The following NEURL1B variants were observed in gnomAD, a reference collection of about 807,000 sequenced individuals.
NEURL1B encodes the protein neuralized E3 ubiquitin protein ligase 1B, also known as E3 ubiquitin-protein ligase NEURL1B.
Under a neutral mutation model 37.4 loss-of-function variants are expected in NEURL1B, and 13 were observed. The observed-to-expected ratio is 0.35, with a 90% CI of 0.23 to 0.55. The LOEUF is 0.55. Ranked by LOEUF, NEURL1B falls within the 20% of genes least tolerant of loss-of-function variation. The pLI is 0.89. For synonymous variants in NEURL1B, 432 were observed against 426.6 expected (o/e 1.01, Z -0.16); for missense variants, 790 against 879.2 (o/e 0.90, Z 1.28).
chr5:172,684,076 C>A lies in NEURL1B; in HGVS notation c.1235C>A (p.Thr412Lys). The change falls in exon 3 of 5, where the codon ACG (threonine) becomes AAG (lysine). Residue 412 changes from threonine to lysine, a missense_variant. Physicochemically the swap from Thr to Lys is moderately conservative, Grantham distance 78. Coordinates refer to ENST00000369800, the MANE Select transcript of NEURL1B (RefSeq NM_001142651.3). ...GGCCGCCTGCTGTGCGTCGACACCA[C>A]GCAGGCGCTCTGGGCCTTCTTCGCC... ...PRGRLLCVDT[T>K]QALWAFFAVR... The A allele has an allele frequency of 7.6e-7, 1 of 1,315,466 alleles. No homozygotes were observed. Among genetic ancestry groups the A allele is most frequent in the South Asian group, 1.9e-5 (1 of 51,944 alleles). 81.5% of individuals were successfully genotyped at this position (1,315,466 alleles called of 1,614,324 possible).
intron 2 of NEURL1B, among the ~76,000 whole-genome samples, chr5:172,671,680 T>C (rs1023815739): frequency 3.9e-5 from 6 of 152,270 alleles, no homozygotes; most frequent in African/African-American, 1.4e-4. Context: ...GCCCATGAAC[T>C]GGATTACCAG....
rs180954825 is a variant in NEURL1B, at chr5:172,659,169, G to C, written c.32-10616G>C. 6.3e-3 allele frequency among the ~76,000 whole-genome samples: 954 copies of C among 152,204 alleles called. 6 individuals carry two copies. Among genetic ancestry groups the C allele is most frequent in the African/African-American group, 0.021 (878 of 41,542 alleles). ...GGTCAGGATGTAAGTGAGAGACCTT[G>C]GGACCAGCAAACATTTTGCCCAGCT... On this transcript the variant is annotated intron_variant, in intron 1 of 4. Coordinates refer to ENST00000369800, the MANE Select transcript of NEURL1B (RefSeq NM_001142651.3).
intron 1 of NEURL1B, chr5:172,656,623 G>A: frequency 1.2e-6 from 2 of 1,608,648 alleles, no homozygotes; most frequent in Admixed American, 1.7e-5. Flanking sequence ...TTTTGTTTCT[G>A]CTTGAAAGCC....
At chr5:172,674,665 T>C (rs537536582) in intron 2 of NEURL1B, among the ~76,000 whole-genome samples, 33 of 152,244 alleles carry the variant, frequency 2.2e-4, no homozygotes, top group African/African-American at 7.9e-4. Flanking sequence ...TGCTAACGAT[T>C]CCCTTTGCAT....
In NEURL1B at chr5:172,656,645, G is replaced by A. The variant is rs776636384; in HGVS notation, c.32-13140G>A. On this transcript the variant is annotated intron_variant, in intron 1 of 4. Transcript: ENST00000369800. Reference sequence around the variant, plus strand: ...TCTGCTTGAAAGCCTTATCTTCCTCGTCCATCTCCTTGGCCTACTTCTTGG... The same window carrying A: ...TCTGCTTGAAAGCCTTATCTTCCTCATCCATCTCCTTGGCCTACTTCTTGG... The A allele has an allele frequency of 9.7e-5, 155 of 1,598,914 alleles. 1 individual carries two copies. Among genetic ancestry groups the A allele is most frequent in the South Asian group, 1.1e-4 (10 of 89,390 alleles).
At chr5:172,684,218 G>GCCCCGC (rs1758435588) in intron 3 of NEURL1B, 80 bp downstream of exon 3, 1 of 1,106,658 alleles carries the variant, frequency 9.0e-7, no homozygotes, top group Admixed American at 4.6e-5. Context: ...CTCTTCCCCG[G>GCCCCGC]CCCCGCCCCT....
Position 172,686,959 on chromosome 5 carries a change from G to T in NEURL1B, c.*34G>T. On this transcript the variant is annotated 3_prime_UTR_variant, in exon 5 of 5. Transcript: ENST00000369800. The surrounding 1 kb of genome is among the most constrained non-coding windows in gnomAD (Gnocchi z 7.9). Reference sequence around the variant, plus strand: ...GCCCACGGGCCTTGGCCGGTGCAAGGTCACCTTTCTGAAGGCCCCCTGGGC... The same window carrying T: ...GCCCACGGGCCTTGGCCGGTGCAAGTTCACCTTTCTGAAGGCCCCCTGGGC... 6.5e-7 allele frequency: 1 copy of T among 1,527,040 alleles called. No individual in the cohort carries two copies. 94.6% of individuals were successfully genotyped at this position (1,527,040 alleles called of 1,614,324 possible). A position where few individuals can be genotyped will look rare whatever the true frequency, so the allele number is the denominator to read the frequency against.
rs1468333367 is a variant in NEURL1B at position 172,683,569 on chromosome 5, T to C, written c.728T>C (p.Leu243Pro). ...GTGGCCAAGCTGGGCCACCTGGCGCTGGGCCGCGCCCCGGGCCCACCGCCA... is the reference window on the plus strand; with the variant it reads ...GTGGCCAAGCTGGGCCACCTGGCGCCGGGCCGCGCCCCGGGCCCACCGCCA... ...QVVAKLGHLA[L>P]GRAPGPPPAD... Residue 243 changes from leucine to proline, a missense_variant, in exon 3 of 5, where the codon CTG becomes CCG. Leu to Pro is a moderately conservative substitution (Grantham distance 98, BLOSUM62 -3). Around this residue, in one of 3 missense-constraint regions of NEURL1B, gnomAD observed 460 missense variants for 407.4 expected, o/e 1.13. Coordinates refer to ENST00000369800, the MANE Select transcript of NEURL1B (RefSeq NM_001142651.3). This position sits in a 1 kb window ranked among gnomAD's most constrained non-coding sequence, Gnocchi z 5.6. 1 of 1,432,780 alleles carries C rather than the reference T, an allele frequency of 7.0e-7. No individual in the cohort carries two copies. 88.8% of individuals were successfully genotyped at this position (1,432,780 alleles called of 1,614,324 possible). A position where few individuals can be genotyped will look rare whatever the true frequency, so the allele number is the denominator to read the frequency against.
chr5:172,684,989 T>C (rs58974080), intron 3 of NEURL1B, among the ~76,000 whole-genome samples: 3,186 of 152,270 alleles, frequency 0.021, 134 homozygotes, highest in African/African-American at 0.073. Context: ...TATCCTCCCT[T>C]TGACTCTATT....
At chr5:172,651,497 C>T (rs1403169154) in intron 1 of NEURL1B, among the ~76,000 whole-genome samples, 1 of 152,194 alleles carries the variant, frequency 6.6e-6, no homozygotes, top group Non-Finnish European at 1.5e-5. Flanking sequence ...GCAGTCAGAC[C>T]TTGCAATGCC....
rs756536249 is a variant in NEURL1B, at chr5:172,683,558, C to T, written c.717C>T (p.Gly239=). The T allele has an allele frequency of 1.6e-5, 23 of 1,473,164 alleles. No individual in the cohort carries two copies. The highest frequency in any genetic ancestry group is 1.8e-4 in the Middle Eastern group (1 of 5,608). The allele number at this position is 1,473,164 out of a possible 1,614,324, so 91.3% of individuals were successfully genotyped here. ...ACAACCAGGTGGTGGCCAAGCTGGGCCACCTGGCGCTGGGCCGCGCCCCGG... is the reference window on the plus strand; with the variant it reads ...ACAACCAGGTGGTGGCCAAGCTGGGTCACCTGGCGCTGGGCCGCGCCCCGG... ...LENNQVVAKL[G]HLALGRAPGP... Residue 239 remains glycine, a synonymous_variant, in exon 3 of 5, where the codon GGC becomes GGT. Transcript: ENST00000369800. This position sits in a 1 kb window ranked among gnomAD's most constrained non-coding sequence, Gnocchi z 5.6.
chr5:172,641,909 GCGGCACATGC>G lies in NEURL1B; in HGVS notation c.31+473_31+482del, dbSNP rs1444719378. 6.6e-6 allele frequency among the ~76,000 whole-genome samples: 1 copy of G among 152,198 alleles called. No homozygotes were observed. Among genetic ancestry groups the G allele is most frequent in the African/African-American group, 2.4e-5 (1 of 41,462 alleles). The stretch of plus-strand genomic sequence containing the variant: ...CAGTTTCCAGCCTCCCAGCGCCCCC[GCGGCACATGC>G]TGCCGTGCTTTGGCCACGTTCCCAC... On this transcript the variant is annotated intron_variant, in intron 1 of 4. Transcript: ENST00000369800. The surrounding 1 kb of genome is among the most constrained non-coding windows in gnomAD (Gnocchi z 6.4).
chr5:172,658,363 T>C (rs955492939), intron 1 of NEURL1B, among the ~76,000 whole-genome samples: 2 of 152,208 alleles, frequency 1.3e-5, no homozygotes, highest in Non-Finnish European at 2.9e-5. Flanking sequence ...GCGGGCTTCC[T>C]GCAGGCATCC....
chr5:172,658,266 C>T (rs1757831843), intron 1 of NEURL1B, among the ~76,000 whole-genome samples: 1 of 152,216 alleles, frequency 6.6e-6, no homozygotes, highest in African/African-American at 2.4e-5. Flanking sequence ...ACCCGCTAAG[C>T]TCCGTAGGGC....
intron 1 of NEURL1B, among the ~76,000 whole-genome samples, chr5:172,663,520 C>CAAAAA (rs34033673): frequency 1.8e-5 from 2 of 111,104 alleles, no homozygotes; most frequent in African/African-American, 6.9e-5. Flanking sequence ...GACTCCATCT[C>CAAAAA]AAAAAAAAAA....
In NEURL1B at chr5:172,641,574, C is replaced by T. The variant is rs1581415019; in HGVS notation, c.31+137C>T. ...GCGGGCTGGAGTCTCCGGTACCTCC[C>T]GGACCTCAGCTCGGCGCGCGCCCCG... On this transcript the variant is annotated intron_variant, in intron 1 of 4. Coordinates refer to ENST00000369800, the MANE Select transcript of NEURL1B (RefSeq NM_001142651.3). The surrounding 1 kb of genome is among the most constrained non-coding windows in gnomAD (Gnocchi z 6.4). 1 of 712,394 alleles carries T rather than the reference C, an allele frequency of 1.4e-6. No individual in the cohort carries two copies. Among genetic ancestry groups the T allele is most frequent in the Non-Finnish European group, 1.9e-6 (1 of 515,208 alleles). The allele number at this position is 712,394 out of a possible 1,614,324, so 44.1% of individuals were successfully genotyped here.
intron 1 of NEURL1B, among the ~76,000 whole-genome samples, chr5:172,656,351 T>TA (rs771757630): frequency 6.6e-6 from 1 of 152,152 alleles, no homozygotes; most frequent in Non-Finnish European, 1.5e-5. Flanking sequence ...TAAGTTTATT[T>TA]TTTATTTATT....
At chr5:172,655,756 T>C (rs555223394) in intron 1 of NEURL1B, among the ~76,000 whole-genome samples, 1 of 151,170 alleles carries the variant, frequency 6.6e-6, no homozygotes, top group African/African-American at 2.4e-5. Flanking sequence ...TCTGCATTGC[T>C]GAGAGCTCAG....
At chr5:172,653,351 C>T (rs919535797) in intron 1 of NEURL1B, among the ~76,000 whole-genome samples, 7 of 152,008 alleles carry the variant, frequency 4.6e-5, no homozygotes, top group Non-Finnish European at 7.4e-5. Flanking sequence ...GATTTTTATA[C>T]CAGATAAGCT....
Sources: allele counts gnomAD v4.1 joint callset (sites outside exome capture counted in the v4.1 genomes callset), GRCh38; gene constraint gnomAD v4.1.1; regional missense constraint gnomAD v4.1.1; non-coding constraint Gnocchi (gnomAD v3.1); transcripts MANE v1.5; gene names NCBI Gene and HGNC (gene_info 2026-07-23, HGNC 2026-07-21).